Variants in ATP8A2 observed in about 807,000 individuals in gnomAD.
ATP8A2 encodes the protein ATPase phospholipid transporting 8A2, also known as phospholipid-transporting ATPase IB.
A neutral mutation model predicts 165.6 loss-of-function variants in ATP8A2; 100 were observed. The ratio of observed to expected loss-of-function variants is 0.60; its 90% CI spans 0.51 to 0.71. The LOEUF is 0.71. Ranked by LOEUF, ATP8A2 falls within the 30% of genes least tolerant of loss-of-function variation. ATP8A2 has a pLI of 0.00. For synonymous variants in ATP8A2, 543 were observed against 548.8 expected, an observed-to-expected ratio of 0.99 and a Z score of 0.15; for missense variants, 1,227 against 1,479.5, an observed-to-expected ratio of 0.83 and a Z score of 2.80.
At chr13:25,676,745 A>G (rs1033190000) in intron 24 of ATP8A2, among the ~76,000 whole-genome samples, 1 of 152,184 alleles carries the variant, frequency 6.6e-6, no homozygotes, top group African/African-American at 2.4e-5. Context: ...ATGAAAGTAT[A>G]CATGTATACT....
intron 12 of ATP8A2, 30 bp from the exon 13 acceptor site, chr13:25,554,961 A>T: frequency 5.7e-6 from 8 of 1,412,136 alleles, no homozygotes; most frequent in Non-Finnish European, 8.0e-6. Flanking sequence ...ATATTTTCTG[A>T]AATCCTGTCT....
rs151236822 is a variant in ATP8A2, at chr13:25,953,201, C to T, written c.3184-8374C>T. Among the ~76,000 whole-genome samples the T allele has an allele frequency of 8.5e-5, 13 of 152,206 alleles. No homozygotes were observed. The East Asian group carries it at 2.5e-3, about 29-fold the overall frequency. On this transcript the variant is annotated intron_variant, in intron 33 of 36. Transcript: ENST00000381655. This position sits in a 1 kb window ranked among gnomAD's most constrained non-coding sequence, Gnocchi z 6.7. ...TTTTCGTCTTTTAACTTTACAAGTGCTCCTCATTTTCTTTTACTTACAATT... is the reference window on the plus strand; with the variant it reads ...TTTTCGTCTTTTAACTTTACAAGTGTTCCTCATTTTCTTTTACTTACAATT...
At chr13:25,528,096 A>C (rs970365826) in intron 2 of ATP8A2, among the ~76,000 whole-genome samples, 8 of 152,192 alleles carry the variant, frequency 5.3e-5, no homozygotes, top group African/African-American at 1.9e-4. Flanking sequence ...TATCACATAC[A>C]TGAGTTTTGT....
intron 28 of ATP8A2, among the ~76,000 whole-genome samples, chr13:25,829,561 G>A (rs1338622829): frequency 1.3e-5 from 2 of 150,368 alleles, no homozygotes; most frequent in East Asian, 2.0e-4. Flanking sequence ...AAAGGGTCAG[G>A]TATCAATGGA....
intron 33 of ATP8A2, among the ~76,000 whole-genome samples, chr13:25,956,729 A>C (rs571411810): frequency 6.6e-6 from 1 of 152,350 alleles, no homozygotes; most frequent in Non-Finnish European, 1.5e-5. Flanking sequence ...TCTCCCCATC[A>C]AGCTACCATT....
chr13:25,579,117 C>A (rs529515356), intron 21 of ATP8A2, among the ~76,000 whole-genome samples: 2 of 152,300 alleles, frequency 1.3e-5, no homozygotes, highest in African/African-American at 2.4e-5. Context: ...CAACGCACAA[C>A]GTGTAGAATC....
chr13:25,812,718 ATG>A (rs1950910149), intron 27 of ATP8A2, among the ~76,000 whole-genome samples: 1 of 152,008 alleles, frequency 6.6e-6, no homozygotes, highest in Non-Finnish European at 1.5e-5. Flanking sequence ...GTAAAACTAT[ATG>A]TGTCAAGTGG....
chr13:25,757,503 ATGTGTG>A (rs113178441), intron 25 of ATP8A2, among the ~76,000 whole-genome samples: 6 of 150,542 alleles, frequency 4.0e-5, no homozygotes, highest in Non-Finnish European at 7.4e-5. Flanking sequence ...ACGATATACT[ATGTGTG>A]TGTGTGTGTG....
chr13:25,811,618 G>A (rs931838246), intron 27 of ATP8A2, among the ~76,000 whole-genome samples: 4 of 152,146 alleles, frequency 2.6e-5, no homozygotes, highest in Non-Finnish European at 4.4e-5. Context: ...TGGGAGGCTT[G>A]AAGTGGGTGG....
At chr13:26,001,372 C>G (rs942326979) in intron 35 of ATP8A2, among the ~76,000 whole-genome samples, 1 of 152,150 alleles carries the variant, frequency 6.6e-6, no homozygotes, top group African/African-American at 2.4e-5. Flanking sequence ...AGTCCATTTT[C>G]CATTCATTTG....
At chr13:25,728,204 C>A (rs1461441691) in intron 25 of ATP8A2, among the ~76,000 whole-genome samples, 1 of 152,130 alleles carries the variant, frequency 6.6e-6, no homozygotes, top group Non-Finnish European at 1.5e-5. Context: ...TGTGAATGAA[C>A]AGCAGCTGTA....
At chr13:25,907,661 A>G (rs1304844201) in intron 33 of ATP8A2, among the ~76,000 whole-genome samples, 1 of 152,172 alleles carries the variant, frequency 6.6e-6, no homozygotes, top group East Asian at 1.9e-4. Context: ...AACACTCAAA[A>G]GCCTTACTTC....
chr13:25,956,932 G>T (rs2139170385), intron 33 of ATP8A2, among the ~76,000 whole-genome samples: 1 of 152,164 alleles, frequency 6.6e-6, no homozygotes. Context: ...TGTGTAGACT[G>T]ATGGAACAGA....
intron 33 of ATP8A2, among the ~76,000 whole-genome samples, chr13:25,957,342 G>C (rs554140310): frequency 2.6e-5 from 4 of 152,284 alleles, no homozygotes; most frequent in African/African-American, 7.2e-5. Context: ...TACAGAATGG[G>C]AGAGAATGTT....
chr13:25,525,104 A>G (rs1312960065), intron 2 of ATP8A2, among the ~76,000 whole-genome samples: 1 of 152,044 alleles, frequency 6.6e-6, no homozygotes, highest in African/African-American at 2.4e-5. Context: ...TCTTGTAGAT[A>G]TAACAAGTTA....
At chr13:25,892,348 G>A (rs1953391425) in intron 33 of ATP8A2, among the ~76,000 whole-genome samples, 1 of 152,142 alleles carries the variant, frequency 6.6e-6, no homozygotes, top group Non-Finnish European at 1.5e-5. Context: ...TTGGCACAGG[G>A]TGGCATCTCT....
chr13:25,940,117 C>T (rs531447785), intron 33 of ATP8A2, among the ~76,000 whole-genome samples: 2 of 152,142 alleles, frequency 1.3e-5, no homozygotes, highest in African/African-American at 4.8e-5. Context: ...CAGTTGGGCT[C>T]TCCTTTGCTG....
intron 34 of ATP8A2, among the ~76,000 whole-genome samples, chr13:25,963,174 T>C (rs1364071198): frequency 1.3e-5 from 2 of 151,832 alleles, no homozygotes; most frequent in African/African-American, 4.8e-5. Flanking sequence ...GGTGGGTGGA[T>C]CACAAGGTCA....
intron 33 of ATP8A2, among the ~76,000 whole-genome samples, chr13:25,894,435 T>TA (rs1483187481): frequency 1.3e-5 from 2 of 152,256 alleles, no homozygotes; most frequent in Non-Finnish European, 2.9e-5. Context: ...TTGGTTACTG[T>TA]AGCCTTGTAG....
Sources: gnomAD v4.1 joint callset for allele counts (sites outside exome capture counted in the v4.1 genomes callset) on GRCh38, gnomAD v4.1.1 for gene constraint, Gnocchi (gnomAD v3.1) non-coding constraint, MANE v1.5 for transcripts, NCBI Gene and HGNC (gene_info 2026-07-23, HGNC 2026-07-21) for gene names.